The following PECR variants were observed in gnomAD, a reference collection of about 807,000 sequenced individuals.
The protein encoded by PECR is peroxisomal trans-2-enoyl-CoA reductase, also known as 2,4-dienoyl-CoA reductase-related protein.
In PECR, 30 loss-of-function variants were observed where a neutral mutation model predicts 35.3. That is an observed-to-expected ratio of 0.85 (90% CI 0.64 to 1.15). PECR has a LOEUF of 1.15. Among genes scored for constraint, PECR ranks in the 50% most tolerant of loss-of-function variants. The probability of loss-of-function intolerance (pLI) is 0.00; values close to 1 mark genes in which losing one functional copy is unlikely to be tolerated. For synonymous variants in PECR, 148 were observed against 138.9 expected (o/e 1.07, Z -0.46); for missense variants, 392 against 370.8 (o/e 1.06, Z -0.47).
At chr2:216,030,632 C>T (rs1257465618) in intron 7 of PECR, among the ~76,000 whole-genome samples, 1 of 151,940 alleles carries the variant, frequency 6.6e-6, no homozygotes, top group Non-Finnish European at 1.5e-5. Flanking sequence ...CAACCTCCGC[C>T]CCCAGGTTCA....
chr2:216,039,156 A>G lies in PECR; in HGVS notation c.*119T>C. The G allele has an allele frequency of 2.9e-6, 2 of 696,268 alleles. No homozygotes were observed. The highest frequency in any genetic ancestry group is 4.2e-5 in the Admixed American group (2 of 47,200). The allele number at this position is 696,268 out of a possible 1,614,324, so 43.1% of individuals were successfully genotyped here. A position where few individuals can be genotyped will look rare whatever the true frequency, so the allele number is the denominator to read the frequency against. ...AATAGTTTTTCCATAGATATAATTA[A>G]TAACACTTAAAAATAAGAAAAATGT... On this transcript the variant is annotated 3_prime_UTR_variant, in exon 8 of 8. Coordinates refer to ENST00000265322, the MANE Select transcript of PECR (RefSeq NM_018441.6).
chr2:216,048,793 T>C (rs1040875502), intron 6 of PECR, among the ~76,000 whole-genome samples: 24 of 138,420 alleles, frequency 1.7e-4, no homozygotes, highest in African/African-American at 6.6e-4. Context: ...CAGTGAGCTA[T>C]GATCGTGACA....
At chr2:216,046,310 A>ATATTTTTT (rs1553560626) in intron 6 of PECR, among the ~76,000 whole-genome samples, 35 of 96,956 alleles carry the variant, frequency 3.6e-4, no homozygotes, top group African/African-American at 7.4e-4. Context: ...ATATATATAT[A>ATATTTTTT]TTTTTTTTTT....
At chr2:216,041,350 G>A (rs987707832) in intron 7 of PECR, among the ~76,000 whole-genome samples, 19 of 151,972 alleles carry the variant, frequency 1.3e-4, no homozygotes, top group African/African-American at 3.9e-4. Context: ...CTCACTACTT[G>A]GAATTTTTTT....
At chr2:216,074,835 CAT>C (rs1168946848) in intron 1 of PECR, among the ~76,000 whole-genome samples, 3 of 152,138 alleles carry the variant, frequency 2.0e-5, no homozygotes, top group Non-Finnish European at 4.4e-5. Flanking sequence ...AGGGTGCAAA[CAT>C]ATTACAGGGA....
chr2:216,031,684 AAAGAAAG>A (rs1694710058), intron 7 of PECR, among the ~76,000 whole-genome samples: 1 of 46,118 alleles, frequency 2.2e-5, no homozygotes, highest in Non-Finnish European at 4.2e-5. Context: ...AGAAAGAAAG[AAAGAAAG>A]AGAAAGAAAG....
At chr2:216,045,195 A>T (rs1574678650) in intron 6 of PECR, among the ~76,000 whole-genome samples, 1 of 152,080 alleles carries the variant, frequency 6.6e-6, no homozygotes, top group South Asian at 2.1e-4. Flanking sequence ...ACAAGGCTAT[A>T]CCTCCTTGAG....
At chr2:216,031,457 GAGAAAGAAAGAA>G (rs1274456248) in intron 7 of PECR, among the ~76,000 whole-genome samples, 1 of 117,776 alleles carries the variant, frequency 8.5e-6, no homozygotes, top group African/African-American at 3.2e-5. Flanking sequence ...GAAAGAAAGA[GAGAAAGAAAGAA>G]AGAAAGAGAA....
At chr2:216,049,205 T>G (rs1695055178) in intron 6 of PECR, 58 bp downstream of exon 6, 1 of 875,930 alleles carries the variant, frequency 1.1e-6, no homozygotes, top group Non-Finnish European at 2.0e-6. Flanking sequence ...GACACTGAAT[T>G]ACAAATTCCA....
chr2:216,074,927 C>A (rs1695666295), intron 1 of PECR, among the ~76,000 whole-genome samples: 1 of 152,140 alleles, frequency 6.6e-6, no homozygotes. Context: ...CAGACCCACA[C>A]AATGGAATAC....
At chr2:216,067,136 C>G (rs1363318277) in intron 1 of PECR, among the ~76,000 whole-genome samples, 2 of 152,050 alleles carry the variant, frequency 1.3e-5, no homozygotes, top group Non-Finnish European at 2.9e-5. Context: ...CAAAGTCTCC[C>G]TGGCGGAAGA....
intron 5 of PECR, 42 bp from the exon 6 acceptor site, chr2:216,049,415 T>C (rs771734929): frequency 3.5e-5 from 29 of 828,008 alleles, no homozygotes; most frequent in Middle Eastern, 2.6e-4. Context: ...AAGTGTATTA[T>C]ATTAAATTTT....
intron 6 of PECR, among the ~76,000 whole-genome samples, chr2:216,046,203 GAATT>G (rs1306403235): frequency 2.1e-5 from 3 of 145,064 alleles, no homozygotes; most frequent in Non-Finnish European, 1.5e-5. Context: ...ATTTTAAAAT[GAATT>G]AATAATATTT....
intron 3 of PECR, among the ~76,000 whole-genome samples, chr2:216,059,534 G>T (rs1221042815): frequency 1.3e-5 from 2 of 152,200 alleles, no homozygotes; most frequent in African/African-American, 2.4e-5. Context: ...GAGCAATTAT[G>T]AATACAAATC....
chr2:216,077,236 G>A (rs962838994), intron 1 of PECR, among the ~76,000 whole-genome samples: 68 of 152,136 alleles, frequency 4.5e-4, no homozygotes, highest in East Asian at 1.4e-3. Context: ...CCGGGGTGCC[G>A]AGGCTCACGC....
At chr2:216,050,628 C>T (rs892553104) in intron 5 of PECR, among the ~76,000 whole-genome samples, 3 of 152,032 alleles carry the variant, frequency 2.0e-5, no homozygotes, top group African/African-American at 4.8e-5. Context: ...ATAGGCTGGG[C>T]GCAGTGGCTC....
intron 3 of PECR, among the ~76,000 whole-genome samples, chr2:216,059,548 G>C (rs894864437): frequency 6.6e-6 from 1 of 152,150 alleles, no homozygotes; most frequent in African/African-American, 2.4e-5. Context: ...ACAAATCTTT[G>C]TGTGGTCATA....
At chr2:216,071,834 G>T (rs1281674803) in intron 1 of PECR, among the ~76,000 whole-genome samples, 1 of 151,822 alleles carries the variant, frequency 6.6e-6, no homozygotes, top group African/African-American at 2.4e-5. Context: ...GCCTCTTTAG[G>T]TCCCTTCAGG....
At chr2:216,058,842 A>C in intron 4 of PECR, 53 bp downstream of exon 4, 1 of 970,854 alleles carries the variant, frequency 1.0e-6, no homozygotes, top group Admixed American at 1.7e-5. Flanking sequence ...GCTTCCCCCA[A>C]TCAGAAGACA....
Sources: allele counts gnomAD v4.1 joint callset (sites outside exome capture counted in the v4.1 genomes callset), GRCh38; gene constraint gnomAD v4.1.1; transcripts MANE v1.5; gene names NCBI Gene and HGNC (gene_info 2026-07-23, HGNC 2026-07-21).